Variants in RRM2 observed in about 807,000 individuals in gnomAD.
The protein encoded by RRM2 is ribonucleotide reductase regulatory subunit M2.
RRM2 carries 6 observed loss-of-function variants against 45.9 expected under a neutral mutation model. That is an observed-to-expected ratio of 0.13 (90% CI 0.07 to 0.26). RRM2 has a LOEUF of 0.26. RRM2 is among the 10% of genes least tolerant of loss of function. The probability of loss-of-function intolerance (pLI) is 1.00; values close to 1 mark genes in which losing one functional copy is unlikely to be tolerated. For synonymous variants in RRM2, 177 were observed against 173.0 expected (o/e 1.02, Z -0.18); for missense variants, 343 against 489.5 (o/e 0.70, Z 2.82).
intron 3 of RRM2, among the ~76,000 whole-genome samples, chr2:10,190,155 TTGGTGGTGA>T (rs547471979): frequency 0.073 from 10,270 of 139,916 alleles, 498 homozygotes; most frequent in South Asian, 0.12. Flanking sequence ...GATGGTGGTA[TTGGTGGTGA>T]TGGTGGTGGT....
intron 3 of RRM2, among the ~76,000 whole-genome samples, chr2:10,181,150 ACACTTAACT>A (rs1219315551): frequency 5.3e-5 from 8 of 152,208 alleles, no homozygotes; most frequent in Non-Finnish European, 1.0e-4. Context: ...TCTCTGCTGG[ACACTTAACT>A]CACACTATCT....
At chr2:10,210,422 A>G (rs754965330) in exon 4 of RRM2, 1 of 1,367,730 alleles carries the variant, frequency 7.3e-7, no homozygotes. Context: ...AGTCCCTTCC[A>G]GACAGGGACA....
rs554904634 is a variant in RRM2, at chr2:10,151,576, G to C, written n.482+9201G>C. On this transcript the variant is annotated intron_variant and non_coding_transcript_variant, in intron 3 of 3. Coordinates refer to the RRM2 transcript ENST00000381786. The stretch of plus-strand genomic sequence containing the variant: ...GCCTCCGAAAGTGCTGGGATCACAG[G>C]CGTGAGCCACCACACCTGGCCACAT... Among the ~76,000 whole-genome samples, 20 of 152,286 alleles carry C rather than the reference G, an allele frequency of 1.3e-4. No individual in the cohort carries two copies. In the East Asian group the frequency reaches 3.9e-3, roughly 29 times the overall value.
exon 3 of RRM2, chr2:10,142,297 A>C: frequency 7.1e-7 from 1 of 1,411,794 alleles, no homozygotes; most frequent in Non-Finnish European, 9.5e-7. Flanking sequence ...TTACGTCTTG[A>C]AAGGGAATCC....
At chr2:10,123,120 G>T (rs1443148684) in intron 2 of RRM2, 63 bp downstream of exon 2, 3 of 1,492,684 alleles carry the variant, frequency 2.0e-6, no homozygotes, top group Admixed American at 2.1e-5. Flanking sequence ...CGCCAAAGCC[G>T]CATTGTTTCC....
At chr2:10,140,383 C>T (rs1161682096), upstream of RRM2, among the ~76,000 whole-genome samples, 3 of 152,234 alleles carry the variant, frequency 2.0e-5, no homozygotes, top group Admixed American at 2.0e-4. Context: ...TCTGTGGCTG[C>T]CTTCACCATG....
chr2:10,177,129 C>T (rs529120273), intron 3 of RRM2, among the ~76,000 whole-genome samples: 15 of 152,102 alleles, frequency 9.9e-5, no homozygotes, highest in Admixed American at 9.8e-4. Context: ...ATCTGTAATC[C>T]CAGCTACTCT....
At chr2:10,135,992 A>G (rs1662983888), downstream of RRM2, among the ~76,000 whole-genome samples, 1 of 151,854 alleles carries the variant, frequency 6.6e-6, no homozygotes, top group Non-Finnish European at 1.5e-5. Flanking sequence ...CTCTGGCCCT[A>G]CACACAGTCC....
At chr2:10,183,275 C>T (rs766031766) in intron 3 of RRM2, among the ~76,000 whole-genome samples, 3 of 152,228 alleles carry the variant, frequency 2.0e-5, no homozygotes, top group Non-Finnish European at 4.4e-5. Context: ...ACATCTGGGC[C>T]TAAGGATTTT....
intron 3 of RRM2, among the ~76,000 whole-genome samples, chr2:10,189,520 C>G (rs1401805670): frequency 6.6e-6 from 1 of 152,222 alleles, no homozygotes; most frequent in Non-Finnish European, 1.5e-5. Flanking sequence ...AGCAGCCTGC[C>G]CCTTGCTGGG....
rs568408841 is a variant in RRM2, at chr2:10,125,476, C to T, written c.569+626C>T. ...ATCCCAGCACTTTGGGAGGCTGAAG[C>T]GGGCGGACAATGAGGTCAGGAGATC... is the stretch of plus-strand genomic sequence containing the variant. On this transcript the variant is annotated intron_variant, in intron 5 of 9. Transcript: ENST00000304567. 4.6e-5 allele frequency among the ~76,000 whole-genome samples: 7 copies of T among 152,136 alleles called. No individual in the cohort carries two copies. The South Asian group carries it at 8.3e-4, about 18-fold the overall frequency.
At chr2:10,203,012 C>T (rs1255287683) in intron 3 of RRM2, among the ~76,000 whole-genome samples, 2 of 152,210 alleles carry the variant, frequency 1.3e-5, no homozygotes, top group Non-Finnish European at 2.9e-5. Context: ...GAACAGTGAG[C>T]GTTCAGGCTG....
chr2:10,199,778 TCAAAAA>T (rs1177959708), intron 3 of RRM2, among the ~76,000 whole-genome samples: 1 of 1,952 alleles, frequency 5.1e-4, no homozygotes, highest in African/African-American at 1.9e-3. Flanking sequence ...AGACTCAGTC[TCAAAAA>T]AAAAAAAAAA....
At chr2:10,210,387 G>A (rs376592690) in exon 4 of RRM2, 36 of 1,367,656 alleles carry the variant, frequency 2.6e-5, no homozygotes, top group African/African-American at 1.9e-4. Flanking sequence ...GAGAGCCACC[G>A]TGGTGCTCAC....
At chr2:10,128,488 A>T (rs1558381309) in intron 7 of RRM2, among the ~76,000 whole-genome samples, 1 of 152,248 alleles carries the variant, frequency 6.6e-6, no homozygotes, top group Non-Finnish European at 1.5e-5. Flanking sequence ...TAGCCTTATT[A>T]CTGAGCTTTG....
Position 10,169,243 on chromosome 2 carries a change from G to T in RRM2, n.482+26868G>T, listed in dbSNP as rs1006968596. ...TCCTCCTGCCTCAGCCTCCCACAGT[G>T]CTGGGATTACAGGTGTGCGCCACTG... is the stretch of plus-strand genomic sequence containing the variant. On this transcript the variant is annotated intron_variant and non_coding_transcript_variant, in intron 3 of 3. Coordinates refer to the RRM2 transcript ENST00000381786. The surrounding 1 kb of genome is among the most constrained non-coding windows in gnomAD (Gnocchi z 5.1). Among the ~76,000 whole-genome samples, 1 of 151,366 alleles carries T rather than the reference G, an allele frequency of 6.6e-6. No homozygotes were observed. The highest frequency in any genetic ancestry group is 2.1e-4 in the South Asian group (1 of 4,798).
intron 3 of RRM2, among the ~76,000 whole-genome samples, chr2:10,196,825 C>A (rs1057252548): frequency 8.5e-5 from 13 of 152,244 alleles, no homozygotes; most frequent in Non-Finnish European, 1.8e-4. Flanking sequence ...ATGCCAGGGC[C>A]TCAGAGTGAA....
intron 3 of RRM2, among the ~76,000 whole-genome samples, chr2:10,166,388 G>A (rs907679596): frequency 6.6e-6 from 1 of 152,214 alleles, no homozygotes; most frequent in Admixed American, 6.5e-5. Flanking sequence ...TGGCCGATGC[G>A]CTTAGGTCAG....
At position 10,122,916 on chromosome 2, in the gene RRM2, C is replaced by T; in HGVS notation, c.99+19C>T. 2 of 1,562,542 alleles carry T rather than the reference C, an allele frequency of 1.3e-6. No homozygotes were observed. Among genetic ancestry groups the T allele is most frequent in the Non-Finnish European group, 8.6e-7 (1 of 1,156,540 alleles). On this transcript the variant is annotated intron_variant, in intron 1 of 9. Coordinates refer to ENST00000304567, the MANE Select transcript of RRM2 (RefSeq NM_001034.4). ...GAACACGGTGAGCCCGCGGGGAGGG[C>T]GCTGCGGGCAGGGGAGGGAGGCAGG...
Sources: gnomAD v4.1 joint callset for allele counts (sites outside exome capture counted in the v4.1 genomes callset) on GRCh38, gnomAD v4.1.1 for gene constraint, Gnocchi (gnomAD v3.1) non-coding constraint, MANE v1.5 for transcripts, NCBI Gene and HGNC (gene_info 2026-07-23, HGNC 2026-07-21) for gene names.